The following MYO18B variants were observed in gnomAD, a reference collection of about 807,000 sequenced individuals.
The protein encoded by MYO18B is unconventional myosin-XVIIIb.
MYO18B carries 204 observed loss-of-function variants against 273.0 expected under a neutral mutation model. That is an observed-to-expected ratio of 0.75 (90% CI 0.67 to 0.84). The LOEUF is 0.84. MYO18B is among the 40% of genes least tolerant of loss of function. MYO18B has a pLI of 0.00. For synonymous variants in MYO18B, 1,330 were observed against 1,305.7 expected (o/e 1.02, Z -0.40); for missense variants, 3,212 against 3,287.6 (o/e 0.98, Z 0.56).
chr22:25,828,857 C>A lies in MYO18B; in HGVS notation c.2868C>A (p.Gly956=), dbSNP rs1353043205. The A allele has an allele frequency of 1.9e-6, 3 of 1,613,994 alleles. No individual in the cohort carries two copies. The East Asian group carries it at 6.7e-5, about 36-fold the overall frequency. The change falls in exon 15 of 44, where the codon GGC becomes GGA. Residue 956 remains glycine, a synonymous_variant. Transcript: ENST00000335473. ...SPGFQNPRHQ[G]KDRAATFEEL... is the part of the protein sequence containing the mutation. ...GCTTCCAGAACCCCCGGCACCAGGGCAAGGACCGGGCGGCCACCTTTGAGG... is the reference window on the plus strand; with the variant it reads ...GCTTCCAGAACCCCCGGCACCAGGGAAAGGACCGGGCGGCCACCTTTGAGG...
rs769786511 is a variant in MYO18B at position 25,768,784 on chromosome 22, A to G, written c.868A>G (p.Thr290Ala). ...GKAEKEGAEP[T>A]NTVEKGNVSK... ...AGCAGAGAAGGAGGGAGCAGAGCCC[A>G]CAAACACGGTGGAAAAGGGGAATGT... Residue 290 changes from threonine (T) to alanine (A), a missense_variant, in exon 4 of 44, where the codon ACA becomes GCA. Coordinates refer to ENST00000335473, the MANE Select transcript of MYO18B (RefSeq NM_032608.7). 8.7e-6 allele frequency: 14 copies of G among 1,609,540 alleles called. No individual in the cohort carries two copies. In the Admixed American group the frequency reaches 2.2e-4, roughly 25 times the overall value.
At chr22:25,917,863 C>T (rs181644458) in intron 33 of MYO18B, among the ~76,000 whole-genome samples, 17 of 152,074 alleles carry the variant, frequency 1.1e-4, no homozygotes, top group African/African-American at 3.4e-4. Context: ...CATACATTTC[C>T]AGATATATGC....
At chr22:25,757,743 A>ATTTC (rs1277058865) in intron 1 of MYO18B, among the ~76,000 whole-genome samples, 1 of 152,234 alleles carries the variant, frequency 6.6e-6, no homozygotes, top group African/African-American at 2.4e-5. Context: ...CAAAGGCAGA[A>ATTTC]GAGACACCTT....
In MYO18B at chr22:25,768,070, G is replaced by T. The variant is rs373030817; in HGVS notation, c.199-45G>T. On this transcript the variant is annotated intron_variant, in intron 3 of 43. Transcript: ENST00000335473. ...ACACGAGTGAATGACAAAGCTGTCA[G>T]GTCAGCAAGCAGCTATGTAGGCATG... The T allele has an allele frequency of 6.0e-5, 88 of 1,473,236 alleles. 1 individual carries two copies. The East Asian group carries it at 7.3e-4, about 12-fold the overall frequency. The allele number at this position is 1,473,236 out of a possible 1,614,324, so 91.3% of individuals were successfully genotyped here.
chr22:25,904,266 G>T (rs1342194458), intron 31 of MYO18B, among the ~76,000 whole-genome samples: 4 of 152,122 alleles, frequency 2.6e-5, no homozygotes, highest in Non-Finnish European at 5.9e-5. Flanking sequence ...CTAGAATGAG[G>T]CCAGGTACAT....
At chr22:25,860,857 A>C (rs986879318) in intron 21 of MYO18B, among the ~76,000 whole-genome samples, 2 of 151,800 alleles carry the variant, frequency 1.3e-5, no homozygotes, top group Non-Finnish European at 2.9e-5. Flanking sequence ...TTTGGTTGAT[A>C]GTATTGTTCA....
At chr22:25,771,415 G>A (rs113005487) in intron 6 of MYO18B, among the ~76,000 whole-genome samples, 2,114 of 152,264 alleles carry the variant, frequency 0.014, 54 homozygotes, top group African/African-American at 0.047. Flanking sequence ...AGGTTCTAAT[G>A]GCCTATATTT....
intron 21 of MYO18B, among the ~76,000 whole-genome samples, chr22:25,862,477 C>G (rs1431440196): frequency 6.6e-6 from 1 of 152,112 alleles, no homozygotes; most frequent in African/African-American, 2.4e-5. Context: ...GAAGGACTTC[C>G]TTTAATGTAA....
intron 39 of MYO18B, among the ~76,000 whole-genome samples, chr22:25,989,523 C>T (rs2093238144): frequency 6.6e-6 from 1 of 150,916 alleles, no homozygotes; most frequent in African/African-American, 2.4e-5. Context: ...TGGCTCACGC[C>T]TGTACTCCCA....
At chr22:25,876,063 C>G in intron 23 of MYO18B, 126 bp from the exon 24 acceptor site, 1 of 721,422 alleles carries the variant, frequency 1.4e-6, no homozygotes, top group Non-Finnish European at 2.2e-6. Context: ...TTAAGGTATC[C>G]AGTCCCTTCC....
the MYO18B span, among the ~76,000 whole-genome samples, chr22:26,043,146 A>G: frequency 6.6e-6 from 1 of 152,180 alleles, no homozygotes; most frequent in Non-Finnish European, 1.5e-5. Flanking sequence ...TACAAATGGG[A>G]TCATGCAAAA....
At position 25,810,118 on chromosome 22, in the gene MYO18B, G is replaced by GGC. The variant is rs1569051854; in HGVS notation, c.2521+12021_2521+12022insGC. On this transcript the variant is annotated intron_variant, in intron 12 of 43. Coordinates refer to ENST00000335473, the MANE Select transcript of MYO18B (RefSeq NM_032608.7). ...TCAGGCTTTTTTTTTTTTTTTTTGA[G>GGC]ACAGAGTCTTGCTCTGTTGCCCAGG... is the stretch of plus-strand genomic sequence containing the variant. 9.2e-4 allele frequency among the ~76,000 whole-genome samples: 124 copies of GGC among 135,344 alleles called. 11 individuals carry two copies. Among genetic ancestry groups the GGC allele is most frequent in the Middle Eastern group, 3.8e-3 (1 of 262 alleles). The allele number at this position is 135,344 out of a possible 152,430, so 88.8% of individuals were successfully genotyped here.
intron 1 of MYO18B, chr22:25,756,472 C>G (rs2086125653): frequency 6.6e-6 from 1 of 152,254 alleles, no homozygotes; most frequent in Admixed American, 6.5e-5. Context: ...GAATGGCCAG[C>G]TCCCAGAATA....
intron 42 of MYO18B, among the ~76,000 whole-genome samples, chr22:26,008,151 G>C (rs1934588578): frequency 6.6e-6 from 1 of 152,098 alleles, no homozygotes; most frequent in African/African-American, 2.4e-5. Context: ...CTCATTCTTT[G>C]TAATTCCTGC....
chr22:25,790,699 C>G (rs567936942), intron 11 of MYO18B, among the ~76,000 whole-genome samples: 58 of 152,340 alleles, frequency 3.8e-4, no homozygotes, highest in African/African-American at 1.4e-3. Context: ...ATTTTCGAAT[C>G]GTTTGCTACT....
At chr22:25,948,487 T>A (rs560604213) in intron 36 of MYO18B, among the ~76,000 whole-genome samples, 3 of 137,506 alleles carry the variant, frequency 2.2e-5, no homozygotes, top group Admixed American at 7.2e-5. Context: ...TCTTTCTTTC[T>A]CTTTCTTTCT....
intron 42 of MYO18B, among the ~76,000 whole-genome samples, chr22:26,023,902 A>G (rs1186944821): frequency 6.6e-6 from 1 of 152,198 alleles, no homozygotes; most frequent in Admixed American, 6.5e-5. Context: ...AAGTTGACAA[A>G]TATACCTTCA....
chr22:25,877,907 G>A, intron 24 of MYO18B, 52 bp from the exon 25 acceptor site: 1 of 1,474,050 alleles, frequency 6.8e-7, no homozygotes, highest in Non-Finnish European at 9.3e-7. Context: ...AACACAGGTG[G>A]AACTTAATCT....
intron 39 of MYO18B, among the ~76,000 whole-genome samples, chr22:25,974,158 C>A (rs1345062062): frequency 6.6e-6 from 1 of 152,212 alleles, no homozygotes; most frequent in Non-Finnish European, 1.5e-5. Flanking sequence ...TCTAATACAA[C>A]AGCATCTCTT....
Sources: allele counts gnomAD v4.1 joint callset (sites outside exome capture counted in the v4.1 genomes callset), GRCh38; gene constraint gnomAD v4.1.1; transcripts MANE v1.5; gene names NCBI Gene and HGNC (gene_info 2026-07-23, HGNC 2026-07-21).